Variants in CACNA1C observed in about 807,000 individuals in gnomAD.
CACNA1C encodes calcium voltage-gated channel subunit alpha1 C.
In CACNA1C, 30 loss-of-function variants were observed where a neutral mutation model predicts 229.0. The observed-to-expected ratio is 0.13, with a 90% CI of 0.10 to 0.18. The LOEUF (loss-of-function observed/expected upper bound fraction) is 0.18, where lower values mean the gene tolerates loss of function less well. CACNA1C is among the 10% of genes least tolerant of loss of function. The probability of loss-of-function intolerance (pLI) is 1.00; values close to 1 mark genes in which losing one functional copy is unlikely to be tolerated. For missense variants in CACNA1C, 1,658 were observed against 2,845.0 expected (o/e 0.58, Z 9.49); for synonymous variants, 1,114 against 1,132.5 (o/e 0.98, Z 0.33).
chr12:2,078,189 G>T (rs2063945174), intron 1 of CACNA1C, among the ~76,000 whole-genome samples: 1 of 152,134 alleles, frequency 6.6e-6, no homozygotes, highest in African/African-American at 2.4e-5. Context: ...CTTTCTCCCT[G>T]CCACGTGAGG....
chr12:2,652,221 G>A (rs747171695), intron 32 of CACNA1C, among the ~76,000 whole-genome samples: 2 of 152,232 alleles, frequency 1.3e-5, no homozygotes, highest in Non-Finnish European at 2.9e-5. Flanking sequence ...TCTGCTGACA[G>A]CACCTGTCAT....
chr12:2,302,628 G>A (rs1157947423), intron 3 of CACNA1C, among the ~76,000 whole-genome samples: 1 of 152,060 alleles, frequency 6.6e-6, no homozygotes, highest in East Asian at 1.9e-4. Flanking sequence ...AACAGGGAGT[G>A]GCCACTTACC....
rs1195171667 is a variant in CACNA1C, at chr12:2,512,113, G to A, written c.1218-699G>A. 1.3e-5 allele frequency among the ~76,000 whole-genome samples: 2 copies of A among 152,128 alleles called. No individual in the cohort carries two copies. Among genetic ancestry groups the A allele is most frequent in the South Asian group, 4.2e-4 (2 of 4,816 alleles). On this transcript the variant is annotated intron_variant, in intron 8 of 46. Transcript: ENST00000399655. The surrounding 1 kb of genome is among the most constrained non-coding windows in gnomAD (Gnocchi z 4.3). ...AGCTCGTCATAAGAATAGAGATTGA[G>A]GACATTAAATCTCCTGGGTCCCAAA...
intron 3 of CACNA1C, among the ~76,000 whole-genome samples, chr12:2,331,474 A>G (rs2154514555): frequency 6.6e-6 from 1 of 152,372 alleles, no homozygotes; most frequent in Admixed American, 6.5e-5. Flanking sequence ...TCTCAGAAGG[A>G]CGAGGTCGTG....
rs150913289 is a variant in CACNA1C, at chr12:2,639,264, C to T, written c.3912+4884C>T. ...CCTGCTGCTCTAGGGAAGCCTCTTG[C>T]TCTTCCTCAGTGCTTGGGTCTGAAA... is the stretch of plus-strand genomic sequence containing the variant. On this transcript the variant is annotated intron_variant, in intron 30 of 46. Coordinates refer to ENST00000399655, the MANE Select transcript of CACNA1C (RefSeq NM_000719.7). This position sits in a 1 kb window ranked among gnomAD's most constrained non-coding sequence, Gnocchi z 4.2. Among the ~76,000 whole-genome samples the T allele has an allele frequency of 1.2e-4, 18 of 152,322 alleles. No individual in the cohort carries two copies. Among genetic ancestry groups the T allele is most frequent in the African/African-American group, 4.3e-4 (18 of 41,570 alleles).
intron 1 of CACNA1C, among the ~76,000 whole-genome samples, chr12:2,041,569 C>A (rs1181161707): frequency 6.6e-6 from 1 of 152,102 alleles, no homozygotes; most frequent in Non-Finnish European, 1.5e-5. Flanking sequence ...AGCCACTGCG[C>A]CCGGCCCGCT....
intron 1 of CACNA1C, among the ~76,000 whole-genome samples, chr12:2,084,232 A>C (rs955173816): frequency 2.6e-5 from 4 of 152,136 alleles, no homozygotes; most frequent in African/African-American, 9.7e-5. Context: ...AGCATTCTCA[A>C]CAAGTGGTCA....
rs74775464 is a variant in CACNA1C, at chr12:2,034,574, A to G, written c.139+63373A>G. On this transcript the variant is annotated intron_variant, in intron 1 of 46. Transcript: ENST00000682462. This position sits in a 1 kb window ranked among gnomAD's most constrained non-coding sequence, Gnocchi z 4.1. The stretch of plus-strand genomic sequence containing the variant: ...TTAATACTTTCTGTTTTATTACTCT[A>G]AAGTAAACTTCCCCAGCACACAGCT... Among the ~76,000 whole-genome samples the G allele has an allele frequency of 0.018, 2,814 of 152,290 alleles. 47 individuals are homozygous for G. The highest frequency in any genetic ancestry group is 0.035 in the African/African-American group (1,473 of 41,560).
chr12:2,010,092 A>G lies in CACNA1C; in HGVS notation c.139+38891A>G, dbSNP rs111859670. Among the ~76,000 whole-genome samples, 405 of 152,356 alleles carry G rather than the reference A, an allele frequency of 2.7e-3. 1 individual carries two copies. The highest frequency in any genetic ancestry group is 4.7e-3 in the Non-Finnish European group (318 of 68,034). On this transcript the variant is annotated intron_variant, in intron 1 of 46. Coordinates refer to the CACNA1C transcript ENST00000682462. ...TTATTCTTTCTAATAGAAGCCCAGA[A>G]GCGATACTTTTAATCCAATTACCCA... is the stretch of plus-strand genomic sequence containing the variant.
intron 1 of CACNA1C, among the ~76,000 whole-genome samples, chr12:2,080,327 C>T (rs1478644468): frequency 8.7e-5 from 13 of 150,054 alleles, no homozygotes; most frequent in Admixed American, 2.7e-4. Context: ...GATGGCCGGG[C>T]GTGGTGGCCC....
intron 26 of CACNA1C, 26 bp downstream of exon 26, chr12:2,607,156 G>A (rs766852805): frequency 1.0e-5 from 16 of 1,596,628 alleles, no homozygotes; most frequent in Non-Finnish European, 1.3e-5. Flanking sequence ...AAGGCCCCAC[G>A]AGCCCTGACA....
intron 3 of CACNA1C, among the ~76,000 whole-genome samples, chr12:2,436,061 G>A (rs1229659449): frequency 4.6e-5 from 7 of 152,220 alleles, no homozygotes; most frequent in Non-Finnish European, 7.3e-5. Context: ...ATGGAGATGG[G>A]TGGTCAGGGA....
At chr12:1,986,584 C>T (rs931828120) in intron 1 of CACNA1C, among the ~76,000 whole-genome samples, 3 of 151,876 alleles carry the variant, frequency 2.0e-5, no homozygotes, top group South Asian at 2.1e-4. Context: ...ACTGGCTTCA[C>T]GGTAGGGGTA....
chr12:2,689,779 C>T lies in CACNA1C; in HGVS notation c.6117+1000C>T, dbSNP rs1462200935. The stretch of plus-strand genomic sequence containing the variant: ...CCATGTGCAGGCCCTGTTCTAGGTA[C>T]AGGGACACAGCTGAGAAACAGAGCT... On this transcript the variant is annotated intron_variant, in intron 46 of 46. Transcript: ENST00000399655. The surrounding 1 kb of genome is among the most constrained non-coding windows in gnomAD (Gnocchi z 4.2). 1 of 152,236 alleles carries T rather than the reference C, an allele frequency of 6.6e-6. No homozygotes were observed. Among genetic ancestry groups the T allele is most frequent in the Non-Finnish European group, 1.5e-5 (1 of 68,106 alleles). The allele number at this position is 152,236 out of a possible 1,614,324, so 9.4% of individuals were successfully genotyped here.
rs1467886589 is a variant in CACNA1C, at chr12:2,188,317, A to G, written c.477+67887A>G. On this transcript the variant is annotated intron_variant, in intron 3 of 46. Coordinates refer to ENST00000399655, the MANE Select transcript of CACNA1C (RefSeq NM_000719.7). ...ATAATGTTGAGTTTTATTAAGAATA[A>G]ATTATTCATTTTAGTCTTGCAACAT... Among the ~76,000 whole-genome samples the G allele has an allele frequency of 2.6e-5, 4 of 152,010 alleles. No individual in the cohort carries two copies. In the East Asian group the frequency reaches 7.7e-4, roughly 29 times the overall value.
intron 1 of CACNA1C, chr12:1,993,384 A>C: frequency 1.2e-6 from 2 of 1,610,150 alleles, no homozygotes; most frequent in East Asian, 4.5e-5. Context: ...TGCTTTGGAG[A>C]AGCAGACCTA....
intron 37 of CACNA1C, among the ~76,000 whole-genome samples, chr12:2,667,928 A>G (rs190253476): frequency 6.6e-6 from 1 of 152,304 alleles, no homozygotes; most frequent in East Asian, 1.9e-4. Flanking sequence ...GTCATGACCC[A>G]TTGCATGCTG....
rs1555107490 is a variant in CACNA1C at position 2,067,449 on chromosome 12, CGTGTGTGTGTGTGT to C, written c.49+13858_49+13871del. On this transcript the variant is annotated intron_variant, in intron 1 of 46. Coordinates refer to ENST00000399655, the MANE Select transcript of CACNA1C (RefSeq NM_000719.7). This position sits in a 1 kb window ranked among gnomAD's most constrained non-coding sequence, Gnocchi z 5.3. ...GCTTAGGACTGTGGACTAGGATGCACGTGTGTGTGTGTGTGTGTGTGTGTGTGTGTGTGCGCGCG... is the reference window on the plus strand; with the variant it reads ...GCTTAGGACTGTGGACTAGGATGCACGTGTGTGTGTGTGTGTGTGCGCGCG... 3.5e-5 allele frequency among the ~76,000 whole-genome samples: 5 copies of C among 141,376 alleles called. No homozygotes were observed. The highest frequency in any genetic ancestry group is 1.1e-4 in the African/African-American group (4 of 37,658). 92.7% of individuals were successfully genotyped at this position (141,376 alleles called of 152,430 possible).
chr12:2,645,761 C>T (rs956868017), intron 30 of CACNA1C, among the ~76,000 whole-genome samples: 2 of 152,148 alleles, frequency 1.3e-5, no homozygotes, highest in Admixed American at 6.5e-5. Flanking sequence ...TTTATGAGAC[C>T]ACGGACCTTG....
Sources: allele counts gnomAD v4.1 joint callset (sites outside exome capture counted in the v4.1 genomes callset), GRCh38; gene constraint gnomAD v4.1.1; non-coding constraint Gnocchi (gnomAD v3.1); transcripts MANE v1.5; gene names NCBI Gene and HGNC (gene_info 2026-07-23, HGNC 2026-07-21).